SQOR: variants seen among roughly 807,000 people sequenced by gnomAD.
SQOR encodes sulfide:quinone oxidoreductase, mitochondrial.
A neutral mutation model predicts 48.6 loss-of-function variants in SQOR; 39 were observed. That is an observed-to-expected ratio of 0.80 (90% confidence interval 0.62 to 1.05). The LOEUF is 1.05. Among genes scored for constraint, SQOR ranks in the 50% least tolerant of loss-of-function variants. The probability of loss-of-function intolerance (pLI) is 0.00; values close to 1 mark genes in which losing one functional copy is unlikely to be tolerated. For synonymous variants in SQOR, 220 were observed against 206.2 expected (o/e 1.07, Z -0.57); for missense variants, 561 against 559.9 (o/e 1.00, Z -0.02).
chr15:45,677,516 A>G (rs1451847177), intron 6 of SQOR, among the ~76,000 whole-genome samples: 2 of 152,168 alleles, frequency 1.3e-5, no homozygotes, highest in Admixed American at 6.5e-5. Context: ...ATTACATTCA[A>G]TTGTGAGGTC....
At chr15:45,685,640 C>T (rs542824200) in intron 7 of SQOR, among the ~76,000 whole-genome samples, 1 of 152,278 alleles carries the variant, frequency 6.6e-6, no homozygotes, top group South Asian at 2.1e-4. Context: ...CTCCACAGGC[C>T]TCACCTCTCT....
chr15:45,631,874 C>G (rs1894903884), upstream of SQOR: 1 of 152,266 alleles, frequency 6.6e-6, no homozygotes, highest in Non-Finnish European at 1.5e-5. Context: ...AGTGCACTTT[C>G]ATTCCTCGCA....
chr15:45,659,368 T>A (rs1277978885), intron 2 of SQOR, among the ~76,000 whole-genome samples: 3 of 151,592 alleles, frequency 2.0e-5, no homozygotes, highest in Non-Finnish European at 4.4e-5. Context: ...ATCTCTTGGC[T>A]TTTAGTGTTC....
At chr15:45,652,638 C>CTTTTTTTTTTTT (rs757986564) in intron 1 of SQOR, among the ~76,000 whole-genome samples, 1 of 60,302 alleles carries the variant, frequency 1.7e-5, no homozygotes, top group Non-Finnish European at 2.9e-5. Flanking sequence ...CGTGAGCCTC[C>CTTTTTTTTTTTT]TTTTTTTTTT....
intron 3 of SQOR, among the ~76,000 whole-genome samples, chr15:45,664,439 C>T (rs1889775360): frequency 6.6e-6 from 1 of 151,908 alleles, no homozygotes; most frequent in Non-Finnish European, 1.5e-5. Flanking sequence ...ATATGTGTCC[C>T]CCCCATCCTC....
intron 3 of SQOR, among the ~76,000 whole-genome samples, chr15:45,666,062 G>T (rs566472386): frequency 1.3e-5 from 2 of 152,226 alleles, no homozygotes; most frequent in Admixed American, 1.3e-4. Context: ...GCTTAACCTG[G>T]TTCTATTCTC....
rs921781920 is a variant in SQOR, at chr15:45,682,535, C to T, written c.922C>T (p.Pro308Ser). The part of the protein sequence containing the change: ...MSPPDVLKTS[P>S]VADAAGWVDV... ...CCCACCAGATGTCCTCAAGACCAGT[C>T]CTGTGGCTGATGCTGCTGGTTGGGT... Residue 308 changes from proline to serine, a missense_variant, in exon 7 of 10, where the codon CCT becomes TCT. Pro to Ser is a moderately conservative substitution (Grantham distance 74). Coordinates refer to ENST00000260324, the MANE Select transcript of SQOR (RefSeq NM_021199.4). 2 of 1,614,170 alleles carry T rather than the reference C, an allele frequency of 1.2e-6. No individual in the cohort carries two copies. Among genetic ancestry groups the T allele is most frequent in the Non-Finnish European group, 1.7e-6 (2 of 1,180,036 alleles).
chr15:45,657,809 A>G (rs1317321588), intron 1 of SQOR, among the ~76,000 whole-genome samples: 2 of 152,212 alleles, frequency 1.3e-5, no homozygotes, highest in Non-Finnish European at 2.9e-5. Flanking sequence ...AGCAGCTAGA[A>G]GTGTTAGTCC....
At chr15:45,642,897 T>C (rs1277991630) in intron 1 of SQOR, among the ~76,000 whole-genome samples, 1 of 152,184 alleles carries the variant, frequency 6.6e-6, no homozygotes, top group Non-Finnish European at 1.5e-5. Flanking sequence ...AACACCTAAT[T>C]CAGGAGCTTA....
intron 1 of SQOR, among the ~76,000 whole-genome samples, chr15:45,655,999 TC>T (rs67806314): frequency 0.11 from 16,708 of 150,238 alleles, 1,013 homozygotes; most frequent in Middle Eastern, 0.22. Flanking sequence ...TTTTTTTTTT[TC>T]CCCGTTTAAC....
chr15:45,683,584 G>A (rs1450160342), intron 7 of SQOR, among the ~76,000 whole-genome samples: 1 of 152,158 alleles, frequency 6.6e-6, no homozygotes, highest in African/African-American at 2.4e-5. Context: ...CATGTTTTGT[G>A]TGAATTAGAC....
intron 1 of SQOR, among the ~76,000 whole-genome samples, chr15:45,638,602 T>C (rs949443400): frequency 6.6e-6 from 1 of 152,026 alleles, no homozygotes; most frequent in Non-Finnish European, 1.5e-5. Flanking sequence ...TGTGCACCTG[T>C]AATTCCAACT....
chr15:45,632,480 A>G (rs1320966286), upstream of SQOR, among the ~76,000 whole-genome samples: 3 of 151,878 alleles, frequency 2.0e-5, no homozygotes, highest in African/African-American at 4.8e-5. Context: ...ACAGCCTCCC[A>G]AAGTGCTAGG....
At chr15:45,637,952 C>T (rs1393541524) in intron 1 of SQOR, among the ~76,000 whole-genome samples, 2 of 152,188 alleles carry the variant, frequency 1.3e-5, no homozygotes, top group East Asian at 1.9e-4. Flanking sequence ...GTTTGGATAG[C>T]TTATGGAAAG....
intron 4 of SQOR, among the ~76,000 whole-genome samples, chr15:45,672,460 TTGAG>T (rs1372933423): frequency 1.3e-5 from 2 of 152,110 alleles, no homozygotes; most frequent in African/African-American, 4.8e-5. Context: ...GCTTTTAACA[TTGAG>T]TGTGATAAGT....
chr15:45,676,441 G>A (rs1206919230), intron 6 of SQOR, 131 bp downstream of exon 6: 1 of 981,338 alleles, frequency 1.0e-6, no homozygotes, highest in Non-Finnish European at 1.5e-6. Context: ...GAGCATCTTA[G>A]GGAAGTGTTA....
intron 6 of SQOR, among the ~76,000 whole-genome samples, chr15:45,676,863 A>G (rs546429726): frequency 1.3e-5 from 2 of 152,186 alleles, no homozygotes; most frequent in Non-Finnish European, 2.9e-5. Flanking sequence ...CAACATGGTG[A>G]AGCCCCATCT....
chr15:45,659,260 G>A (rs1889677872), intron 2 of SQOR, 103 bp downstream of exon 2: 4 of 974,372 alleles, frequency 4.1e-6, no homozygotes, highest in Non-Finnish European at 5.8e-6. Context: ...TCAAGCAATG[G>A]GTCTTCATAT....
rs1226298566 is a variant in SQOR at position 45,676,006 on chromosome 15, G to A, written c.655-95G>A. ...CATAATGGTGGCAAAAGCTAGCAAG[G>A]TCCCTGCTGAGGGTTTTAATTCTTG... On this transcript the variant is annotated intron_variant, in intron 5 of 9. Coordinates refer to ENST00000260324, the MANE Select transcript of SQOR (RefSeq NM_021199.4). 6 of 1,235,802 alleles carry A rather than the reference G, an allele frequency of 4.9e-6. No homozygotes were observed. The East Asian group carries it at 7.0e-5, about 14-fold the overall frequency. 76.6% of individuals were successfully genotyped at this position (1,235,802 alleles called of 1,614,324 possible).
Sources: gnomAD v4.1 joint callset for allele counts (sites outside exome capture counted in the v4.1 genomes callset) on GRCh38, gnomAD v4.1.1 for gene constraint, MANE v1.5 for transcripts, NCBI Gene and HGNC (gene_info 2026-07-23, HGNC 2026-07-21) for gene names.